The following HACD4 variants were observed in gnomAD, a reference collection of about 807,000 sequenced individuals.
The protein encoded by HACD4 is 3-hydroxyacyl-CoA dehydratase 4, also known as very-long-chain (3R)-3-hydroxyacyl-CoA dehydratase 4.
Under a neutral mutation model 33.3 loss-of-function variants are expected in HACD4, and 35 were observed. The observed-to-expected ratio is 1.05, with a 90% CI of 0.80 to 1.39. The LOEUF is 1.39. Among genes scored for constraint, HACD4 ranks in the 40% most tolerant of loss-of-function variants. HACD4 has a pLI of 0.00. For synonymous variants in HACD4, 118 were observed against 98.0 expected, an observed-to-expected ratio of 1.20 and a Z score of -1.21; for missense variants, 323 against 276.5, an observed-to-expected ratio of 1.17 and a Z score of -1.19.
chr9:21,001,000 T>A lies in HACD4; in HGVS notation c.*6037A>T, dbSNP rs1053878085. 2.6e-5 allele frequency: 4 copies of A among 151,960 alleles called. No homozygotes were observed. Among genetic ancestry groups the A allele is most frequent in the Non-Finnish European group, 5.9e-5 (4 of 67,948 alleles). 9.4% of individuals were successfully genotyped at this position (151,960 alleles called of 1,614,324 possible). On this transcript the variant is annotated 3_prime_UTR_variant, in exon 7 of 7. Coordinates refer to ENST00000495827, the MANE Select transcript of HACD4 (RefSeq NM_001010915.5). The stretch of plus-strand genomic sequence containing the variant: ...GGACCTTAGTGAGATGTAGTTACCA[T>A]ATTATTAGATTGAAACGTTCAGTTT...
rs1842276051 is a variant in HACD4 at position 21,006,610 on chromosome 9, A to G, written c.*427T>C. 3 of 223,808 alleles carry G rather than the reference A, an allele frequency of 1.3e-5. No individual in the cohort carries two copies. Among genetic ancestry groups the G allele is most frequent in the South Asian group, 6.2e-5 (1 of 16,246 alleles). The allele number at this position is 223,808 out of a possible 1,614,324, so 13.9% of individuals were successfully genotyped here. A position where few individuals can be genotyped will look rare whatever the true frequency, so the allele number is the denominator to read the frequency against. On this transcript the variant is annotated 3_prime_UTR_variant, in exon 7 of 7. Transcript: ENST00000495827. The surrounding 1 kb of genome is among the most constrained non-coding windows in gnomAD (Gnocchi z 4.6). ...ATGTTATTCTAGGCAACTGTGGAAT[A>G]TATTTTCCATCCCTCTTCTCCTACA...
intron 3 of HACD4, among the ~76,000 whole-genome samples, chr9:21,025,112 G>C (rs949253862): frequency 3.9e-5 from 6 of 152,060 alleles, no homozygotes; most frequent in Admixed American, 3.9e-4. Context: ...ATTCCATCTA[G>C]GTCTTAGCTA....
At chr9:21,015,783 G>A in intron 4 of HACD4, 115 bp downstream of exon 4, 1 of 573,444 alleles carries the variant, frequency 1.7e-6, no homozygotes, top group Non-Finnish European at 3.1e-6. Context: ...AAAATAATTT[G>A]AAAAGGGGTT....
At chr9:21,016,322 C>T (rs1298887490) in intron 3 of HACD4, among the ~76,000 whole-genome samples, 1 of 152,088 alleles carries the variant, frequency 6.6e-6, no homozygotes, top group Admixed American at 6.6e-5. Context: ...ATTGAGTGTC[C>T]ACTGTGTGTC....
In HACD4 at chr9:21,031,455, C is replaced by T. The variant is rs552395158; in HGVS notation, c.38+98G>A. ...GGTAGCGCTGCGCCTTGCTGGCGGG[C>T]GGGGGGTGCCGCCCGCCCGCCCGCC... On this transcript the variant is annotated intron_variant, in intron 1 of 6. Transcript: ENST00000495827. 891 of 1,305,578 alleles carry T rather than the reference C, an allele frequency of 6.8e-4. 7 individuals carry two copies. The African/African-American group carries it at 0.013, about 19-fold the overall frequency. The allele number at this position is 1,305,578 out of a possible 1,614,324, so 80.9% of individuals were successfully genotyped here.
intron 4 of HACD4, among the ~76,000 whole-genome samples, chr9:21,012,788 C>T (rs59658499): frequency 0.21 from 31,623 of 151,952 alleles, 3,790 homozygotes; most frequent in African/African-American, 0.33. Flanking sequence ...TTTGGCCAGC[C>T]GTGGTGGCTC....
At chr9:21,029,961 T>C (rs1255059875) in intron 1 of HACD4, among the ~76,000 whole-genome samples, 1 of 152,172 alleles carries the variant, frequency 6.6e-6, no homozygotes, top group Admixed American at 6.5e-5. Flanking sequence ...AATGAATACA[T>C]ATCATTTTCA....
At position 21,006,970 on chromosome 9, in the gene HACD4, C is replaced by T; in HGVS notation, c.*67G>A. On this transcript the variant is annotated 3_prime_UTR_variant, in exon 7 of 7. Coordinates refer to ENST00000495827, the MANE Select transcript of HACD4 (RefSeq NM_001010915.5). The surrounding 1 kb of genome is among the most constrained non-coding windows in gnomAD (Gnocchi z 4.6). ...AGGTATTTTTCCACCAGAATACTTC[C>T]TGTGTTTTATTTACTGCACTGAATC... 1 of 898,592 alleles carries T rather than the reference C, an allele frequency of 1.1e-6. No homozygotes were observed. The highest frequency in any genetic ancestry group is 1.7e-5 in the Admixed American group (1 of 58,136). 55.7% of individuals were successfully genotyped at this position (898,592 alleles called of 1,614,324 possible). A position where few individuals can be genotyped will look rare whatever the true frequency, so the allele number is the denominator to read the frequency against.
intron 5 of HACD4, among the ~76,000 whole-genome samples, chr9:21,010,901 A>AT (rs1464344748): frequency 6.6e-6 from 1 of 152,128 alleles, no homozygotes; most frequent in Admixed American, 6.6e-5. Flanking sequence ...TAAGAATCTG[A>AT]TGCCTCCACT....
intron 4 of HACD4, among the ~76,000 whole-genome samples, chr9:21,012,334 G>A (rs1428048719): frequency 1.3e-5 from 2 of 152,226 alleles, no homozygotes; most frequent in Non-Finnish European, 1.5e-5. Context: ...CTACTCCAAA[G>A]TTTCTGATCC....
intron 3 of HACD4, among the ~76,000 whole-genome samples, chr9:21,017,101 A>T (rs1449980099): frequency 2.0e-5 from 3 of 152,210 alleles, no homozygotes; most frequent in Non-Finnish European, 4.4e-5. Context: ...TCAAATTCAC[A>T]GTAAAGAGGG....
intron 5 of HACD4, among the ~76,000 whole-genome samples, chr9:21,009,460 C>T (rs1488624986): frequency 2.0e-5 from 3 of 152,106 alleles, no homozygotes; most frequent in Non-Finnish European, 1.5e-5. Flanking sequence ...GCAAAAGTTT[C>T]CTATACATTT....
At chr9:21,011,935 T>C (rs1339044713) in intron 4 of HACD4, among the ~76,000 whole-genome samples, 1 of 152,184 alleles carries the variant, frequency 6.6e-6, no homozygotes, top group Non-Finnish European at 1.5e-5. Context: ...TAACTCTTAC[T>C]CCCTCCTCAG....
intron 3 of HACD4, among the ~76,000 whole-genome samples, chr9:21,024,218 A>C (rs1818007712): frequency 6.6e-6 from 1 of 152,248 alleles, no homozygotes; most frequent in Non-Finnish European, 1.5e-5. Context: ...TAAATTAATA[A>C]AAGAAATAGG....
intron 3 of HACD4, among the ~76,000 whole-genome samples, chr9:21,020,822 T>C (rs1817889978): frequency 6.6e-6 from 1 of 152,218 alleles, no homozygotes. Flanking sequence ...TTTTGCCCTT[T>C]TCCCCAAAGC....
intron 3 of HACD4, among the ~76,000 whole-genome samples, chr9:21,026,107 T>C (rs953419349): frequency 3.3e-5 from 5 of 152,230 alleles, no homozygotes; most frequent in African/African-American, 1.2e-4. Flanking sequence ...AGGAGTACTC[T>C]ATTCTCTGGA....
rs1305065334 is a variant in HACD4, at chr9:21,003,780, T to C, written c.*3257A>G. ...ATCAGTTATTCACACTTTTTTTAGA[T>C]TTTCAAAGAAAGCATTTTTCAAAAC... On this transcript the variant is annotated 3_prime_UTR_variant, in exon 7 of 7. Coordinates refer to ENST00000495827, the MANE Select transcript of HACD4 (RefSeq NM_001010915.5). 6.6e-6 allele frequency: 1 copy of C among 152,212 alleles called. No homozygotes were observed. The highest frequency in any genetic ancestry group is 2.4e-5 in the African/African-American group (1 of 41,462). The allele number at this position is 152,212 out of a possible 1,614,324, so 9.4% of individuals were successfully genotyped here.
Position 21,031,155 on chromosome 9 carries a change from C to G in HACD4, c.38+398G>C, listed in dbSNP as rs553192595. On this transcript the variant is annotated intron_variant, in intron 1 of 6. Coordinates refer to ENST00000495827, the MANE Select transcript of HACD4 (RefSeq NM_001010915.5). ...GCTATATGACTGAATCTGTTCCCCG[C>G]CGGAACTAGGCCCTGAAATCTATAC... Among the ~76,000 whole-genome samples, 249 of 152,222 alleles carry G rather than the reference C, an allele frequency of 1.6e-3. 1 individual carries two copies. The highest frequency in any genetic ancestry group is 5.4e-3 in the African/African-American group (225 of 41,532).
intron 3 of HACD4, among the ~76,000 whole-genome samples, chr9:21,019,628 A>G (rs1817853123): frequency 6.6e-6 from 1 of 152,126 alleles, no homozygotes; most frequent in Non-Finnish European, 1.5e-5. Context: ...CAACATCTGT[A>G]AAATTACACT....
Sources: allele counts gnomAD v4.1 joint callset (sites outside exome capture counted in the v4.1 genomes callset), GRCh38; gene constraint gnomAD v4.1.1; non-coding constraint Gnocchi (gnomAD v3.1); transcripts MANE v1.5; gene names NCBI Gene and HGNC (gene_info 2026-07-23, HGNC 2026-07-21).